The following ZNRF1 variants were observed in gnomAD, a reference collection of about 807,000 sequenced individuals.
The protein encoded by ZNRF1 is E3 ubiquitin-protein ligase ZNRF1.
In ZNRF1, 3 loss-of-function variants were observed where a neutral mutation model predicts 18.4. The ratio of observed to expected loss-of-function variants is 0.16; its 90% confidence interval spans 0.07 to 0.42. The LOEUF (loss-of-function observed/expected upper bound fraction) is 0.42, where lower values mean the gene tolerates loss of function less well. Ranked by LOEUF, ZNRF1 falls within the 10% of genes least tolerant of loss-of-function variation. The pLI, the probability that ZNRF1 is intolerant of heterozygous loss-of-function variation, is 0.99. For synonymous variants in ZNRF1, 157 were observed against 144.2 expected, an observed-to-expected ratio of 1.09 and a Z score of -0.64; for missense variants, 310 against 329.8, an observed-to-expected ratio of 0.94 and a Z score of 0.47.
chr16:75,001,087 C>A (rs1321797760), intron 1 of ZNRF1, among the ~76,000 whole-genome samples: 1 of 152,176 alleles, frequency 6.6e-6, no homozygotes, highest in Non-Finnish European at 1.5e-5. Context: ...GTGGGGGCCG[C>A]TATTTGCTAA....
At chr16:75,098,519 C>G (rs2145426084) in intron 2 of ZNRF1, among the ~76,000 whole-genome samples, 1 of 152,332 alleles carries the variant, frequency 6.6e-6, no homozygotes, top group East Asian at 1.9e-4. Flanking sequence ...AGCACAGCCC[C>G]CCAGATTTCC....
At position 74,999,248 on chromosome 16, in the gene ZNRF1, C is replaced by A. The variant is rs1183030392; in HGVS notation, c.-424C>A. 1 of 146,030 alleles carries A rather than the reference C, an allele frequency of 6.8e-6. No homozygotes were observed. Among genetic ancestry groups the A allele is most frequent in the Non-Finnish European group, 1.5e-5 (1 of 66,012 alleles). 9.0% of individuals were successfully genotyped at this position (146,030 alleles called of 1,614,324 possible). ...CCTGAGGCGGGGGACGCGCCCGGCG[C>A]CCCCGGCCCTCCTCCGCCTCCTCCC... On this transcript the variant is annotated 5_prime_UTR_variant, in exon 1 of 5. Transcript: ENST00000335325.
chr16:75,063,270 C>T (rs912700160), intron 1 of ZNRF1, among the ~76,000 whole-genome samples: 1 of 152,340 alleles, frequency 6.6e-6, no homozygotes, highest in Admixed American at 6.5e-5. Flanking sequence ...CAGGTCATTC[C>T]TCCTACCCTG....
At chr16:75,000,240 G>A (rs1356926776) in intron 1 of ZNRF1, 145 bp downstream of exon 1, 2 of 1,152,706 alleles carry the variant, frequency 1.7e-6, no homozygotes, top group Non-Finnish European at 2.5e-6. Flanking sequence ...GGGATAAATG[G>A]GATACCTACC....
intron 1 of ZNRF1, among the ~76,000 whole-genome samples, chr16:75,028,482 A>G (rs928265413): frequency 2.0e-5 from 3 of 152,168 alleles, no homozygotes; most frequent in Non-Finnish European, 2.9e-5. Flanking sequence ...TTTAGTAGAG[A>G]TGGGGTTTCA....
intron 1 of ZNRF1, among the ~76,000 whole-genome samples, chr16:75,035,852 A>G (rs1057419156): frequency 6.6e-6 from 1 of 152,166 alleles, no homozygotes; most frequent in African/African-American, 2.4e-5. Context: ...GTGTTCCTAG[A>G]GAAAGGTCAT....
At chr16:75,031,393 G>A (rs2035301328) in intron 1 of ZNRF1, among the ~76,000 whole-genome samples, 1 of 152,106 alleles carries the variant, frequency 6.6e-6, no homozygotes, top group Non-Finnish European at 1.5e-5. Flanking sequence ...GCCTCCCAAA[G>A]TGCTGGGATT....
At chr16:75,025,747 A>G (rs950686229) in intron 1 of ZNRF1, among the ~76,000 whole-genome samples, 5 of 152,202 alleles carry the variant, frequency 3.3e-5, no homozygotes, top group African/African-American at 9.7e-5. Context: ...AACTTGTTTC[A>G]GAGTTCACTG....
chr16:75,022,552 C>T (rs1219631945), intron 1 of ZNRF1, among the ~76,000 whole-genome samples: 2 of 150,638 alleles, frequency 1.3e-5, no homozygotes, highest in Non-Finnish European at 2.9e-5. Flanking sequence ...GGCGACAAAG[C>T]GAGACTCCGT....
chr16:75,063,359 G>A (rs1037889164), intron 1 of ZNRF1, among the ~76,000 whole-genome samples: 1 of 152,124 alleles, frequency 6.6e-6, no homozygotes, highest in African/African-American at 2.4e-5. Flanking sequence ...CTGGAGGTGA[G>A]GGTTTAATTC....
chr16:75,066,241 T>C (rs1391443395), intron 1 of ZNRF1, among the ~76,000 whole-genome samples: 1 of 152,144 alleles, frequency 6.6e-6, no homozygotes, highest in East Asian at 1.9e-4. Context: ...AAATAAAGTA[T>C]CAGATAACTG....
intron 1 of ZNRF1, among the ~76,000 whole-genome samples, chr16:75,080,980 T>A (rs1006420647): frequency 6.6e-6 from 1 of 152,148 alleles, no homozygotes; most frequent in Non-Finnish European, 1.5e-5. Flanking sequence ...GAGACCAGCC[T>A]GGCCAATATG....
intron 1 of ZNRF1, among the ~76,000 whole-genome samples, chr16:75,034,441 T>C (rs1423237450): frequency 1.3e-5 from 2 of 152,216 alleles, no homozygotes; most frequent in Admixed American, 6.5e-5. Flanking sequence ...TCTCAAGATT[T>C]ATCCATGTTG....
intron 1 of ZNRF1, among the ~76,000 whole-genome samples, chr16:75,028,892 C>T (rs1020454746): frequency 3.3e-5 from 5 of 152,218 alleles, no homozygotes; most frequent in East Asian, 1.9e-4. Context: ...CTTCCTATCT[C>T]TCTCATTGGT....
chr16:75,092,532 T>C (rs1321392412), intron 1 of ZNRF1, among the ~76,000 whole-genome samples: 1 of 152,258 alleles, frequency 6.6e-6, no homozygotes, highest in Non-Finnish European at 1.5e-5. Flanking sequence ...AATTGATCCA[T>C]TTGAAAATCA....
intron 2 of ZNRF1, among the ~76,000 whole-genome samples, chr16:75,096,391 C>G (rs1260377352): frequency 6.6e-6 from 1 of 152,158 alleles, no homozygotes; most frequent in East Asian, 1.9e-4. Flanking sequence ...CGCCCAGGGC[C>G]TGCTCCAGCT....
At chr16:75,054,697 C>G (rs1452510910) in intron 1 of ZNRF1, among the ~76,000 whole-genome samples, 1 of 152,234 alleles carries the variant, frequency 6.6e-6, no homozygotes, top group African/African-American at 2.4e-5. Context: ...TTTTCTCAAG[C>G]TAAGTTCTGT....
chr16:75,049,415 C>T (rs897270556), intron 1 of ZNRF1, among the ~76,000 whole-genome samples: 17 of 151,846 alleles, frequency 1.1e-4, no homozygotes, highest in Non-Finnish European at 2.2e-4. Flanking sequence ...CAGCCTCAGC[C>T]TTCCAAGCTC....
At chr16:75,008,124 C>G (rs2034947141) in intron 1 of ZNRF1, among the ~76,000 whole-genome samples, 1 of 152,108 alleles carries the variant, frequency 6.6e-6, no homozygotes, top group Non-Finnish European at 1.5e-5. Flanking sequence ...AGTGAGCCTT[C>G]CACCTCAGCT....
Sources: gnomAD v4.1 joint callset for allele counts (sites outside exome capture counted in the v4.1 genomes callset) on GRCh38, gnomAD v4.1.1 for gene constraint, MANE v1.5 for transcripts, NCBI Gene and HGNC (gene_info 2026-07-23, HGNC 2026-07-21) for gene names.